Variants in ADAD1 observed in about 807,000 individuals in gnomAD.
ADAD1 encodes the protein adenosine deaminase domain-containing protein 1.
Under a neutral mutation model 66.8 loss-of-function variants are expected in ADAD1, and 46 were observed. The ratio of observed to expected loss-of-function variants is 0.69; its 90% CI spans 0.54 to 0.88. ADAD1 has a LOEUF of 0.88. Among genes scored for constraint, ADAD1 ranks in the 40% least tolerant of loss-of-function variants. ADAD1 has a pLI of 0.00. For missense variants in ADAD1, 617 were observed against 681.8 expected (o/e 0.91, Z 1.06); for synonymous variants, 248 against 229.4 (o/e 1.08, Z -0.73).
chr4:122,420,875 AT>A (rs977411430), intron 11 of ADAD1, among the ~76,000 whole-genome samples: 3 of 152,188 alleles, frequency 2.0e-5, no homozygotes, highest in Non-Finnish European at 4.4e-5. Context: ...AATTTCATTA[AT>A]TTTGATATAT....
At chr4:122,402,169 G>T (rs1796013114) in intron 7 of ADAD1, among the ~76,000 whole-genome samples, 1 of 151,866 alleles carries the variant, frequency 6.6e-6, no homozygotes, top group African/African-American at 2.4e-5. Flanking sequence ...AGTCCTTTTA[G>T]CATTTATTTA....
intron 7 of ADAD1, among the ~76,000 whole-genome samples, chr4:122,406,361 A>T (rs1313076874): frequency 6.6e-6 from 1 of 152,164 alleles, no homozygotes; most frequent in African/African-American, 2.4e-5. Context: ...TATGTCTTCT[A>T]TAAAAGAAAA....
chr4:122,408,837 T>C (rs906531323), intron 8 of ADAD1, among the ~76,000 whole-genome samples: 2 of 151,818 alleles, frequency 1.3e-5, no homozygotes, highest in Non-Finnish European at 2.9e-5. Flanking sequence ...GAACCAAGAC[T>C]GCTCCACTGC....
rs558866689 is a variant in ADAD1, at chr4:122,388,831, G to A, written c.530-4758G>A. On this transcript the variant is annotated intron_variant, in intron 5 of 12. Transcript: ENST00000296513. ...AAGAAAAAAAACAGCTTCTGGATTC[G>A]ATTTTTTTTGGAGGGTTTTTCATGT... is the stretch of plus-strand genomic sequence containing the variant. Among the ~76,000 whole-genome samples the A allele has an allele frequency of 1.3e-4, 20 of 151,954 alleles. No individual in the cohort carries two copies. In the South Asian group the frequency reaches 3.5e-3, roughly 27 times the overall value.
chr4:122,422,599 G>A (rs548116941), intron 12 of ADAD1, among the ~76,000 whole-genome samples: 10 of 152,142 alleles, frequency 6.6e-5, no homozygotes, highest in African/African-American at 2.4e-4. Flanking sequence ...TTAATTACAG[G>A]TGTATGTATA....
At position 122,383,983 on chromosome 4, in the gene ADAD1, A is replaced by G; in HGVS notation, c.529+17A>G. ...AAACATCAGGTAAATACTCTTGATT[A>G]TAAAGTATTTATAAGAGGTATCATT... is the stretch of plus-strand genomic sequence containing the variant. On this transcript the variant is annotated intron_variant, in intron 5 of 12. Coordinates refer to ENST00000296513, the MANE Select transcript of ADAD1 (RefSeq NM_139243.4). The G allele has an allele frequency of 5.7e-6, 9 of 1,585,900 alleles. No individual in the cohort carries two copies. The highest frequency in any genetic ancestry group is 7.7e-6 in the Non-Finnish European group (9 of 1,164,950).
Position 122,415,612 on chromosome 4 carries a change from G to GA in ADAD1, c.1486dup (p.Ser496LysfsTer5). 6.2e-7 allele frequency: 1 copy of GA among 1,611,864 alleles called. No homozygotes were observed. The highest frequency in any genetic ancestry group is 8.5e-7 in the Non-Finnish European group (1 of 1,178,274). ...GGATGGCCTGAGTGGGAAGATCACT[G>GA]AAAGGTTAAAATTACTAATTTCTTT... is the stretch of plus-strand genomic sequence containing the variant. On this transcript the variant is annotated frameshift_variant, in exon 11 of 13. Transcript: ENST00000296513. LOFTEE classifies it high-confidence loss of function.
chr4:122,402,152 A>G (rs1007109869), intron 7 of ADAD1, among the ~76,000 whole-genome samples: 8 of 151,974 alleles, frequency 5.3e-5, no homozygotes, highest in African/African-American at 1.9e-4. Context: ...TTGTTTCAAG[A>G]TTCATAAGTC....
chr4:122,429,639 C>G lies in ADAD1; in HGVS notation c.1631C>G (p.Ser544Cys), dbSNP rs762738865. 2 of 1,610,674 alleles carry G rather than the reference C, an allele frequency of 1.2e-6. No homozygotes were observed. The highest frequency in any genetic ancestry group is 2.2e-5 in the South Asian group (2 of 90,878). The change falls in exon 13 of 13, where the codon TCC becomes TGC. Residue 544 changes from serine to cysteine, a missense_variant. Ser to Cys is a moderately radical substitution (Grantham distance 112). Transcript: ENST00000296513. The stretch of plus-strand genomic sequence containing the variant: ...TTTCTTCTCTAGTGTATGTCTGCCT[C>G]CTATCAAGAAGCTAAATGTAAGTTG... ...TYHAAKCMSA[S>C]YQEAKCKLKS...
chr4:122,403,216 G>C (rs935536043), intron 7 of ADAD1, among the ~76,000 whole-genome samples: 1 of 152,120 alleles, frequency 6.6e-6, no homozygotes, highest in Non-Finnish European at 1.5e-5. Context: ...CTTCCCCTAA[G>C]GATGGGTTTT....
chr4:122,396,073 A>G (rs1340537153), intron 6 of ADAD1, among the ~76,000 whole-genome samples, 179 bp from the exon 7 acceptor site: 7 of 152,318 alleles, frequency 4.6e-5, no homozygotes, highest in Non-Finnish European at 8.8e-5. Flanking sequence ...AAAGCTCAAT[A>G]ACTCATATTC....
rs372959713 is a variant in ADAD1, at chr4:122,427,291, CA to C, written c.1618-2331del. On this transcript the variant is annotated intron_variant, in intron 12 of 12. Coordinates refer to ENST00000296513, the MANE Select transcript of ADAD1 (RefSeq NM_139243.4). ...TGTAAACACAGAGGAATAAATTTAACAAAAGAAATGGAAGACCTGTACACTG... is the reference window on the plus strand; with the variant it reads ...TGTAAACACAGAGGAATAAATTTAACAAAGAAATGGAAGACCTGTACACTG... 1.0e-3 allele frequency among the ~76,000 whole-genome samples: 154 copies of C among 152,012 alleles called. 2 individuals carry two copies. The highest frequency in any genetic ancestry group is 3.4e-3 in the African/African-American group (142 of 41,482).
In ADAD1 at chr4:122,381,162, A is replaced by G. The variant is rs755102093; in HGVS notation, c.343A>G (p.Lys115Glu). 1 of 1,561,352 alleles carries G rather than the reference A, an allele frequency of 6.4e-7. No homozygotes were observed. The highest frequency in any genetic ancestry group is 8.6e-7 in the Non-Finnish European group (1 of 1,165,366). ...AATGCAGCGAGTTCAGCTTGACCTTAAGGAAACTGTGACAACAGGCAAGTG... is the reference window on the plus strand; with the variant it reads ...AATGCAGCGAGTTCAGCTTGACCTTGAGGAAACTGTGACAACAGGCAAGTG... ...AQMQRVQLDLKETVTTGNVMG... is the reference protein window; with the variant it reads ...AQMQRVQLDLEETVTTGNVMG... The change falls in exon 4 of 13, where the codon AAG (lysine) becomes GAG (glutamate). Residue 115 changes from lysine (K) to glutamate (E), a missense_variant. By Grantham distance (56) the Lys-to-Glu change is moderately conservative. Coordinates refer to ENST00000296513, the MANE Select transcript of ADAD1 (RefSeq NM_139243.4).
intron 6 of ADAD1, among the ~76,000 whole-genome samples, chr4:122,395,188 T>G (rs1795640363): frequency 1.3e-5 from 2 of 151,916 alleles, no homozygotes; most frequent in Admixed American, 1.3e-4. Flanking sequence ...GTAGCTGGGA[T>G]TACAGGCACC....
intron 12 of ADAD1, among the ~76,000 whole-genome samples, chr4:122,425,369 A>G (rs1286072783): frequency 6.6e-6 from 1 of 152,108 alleles, no homozygotes; most frequent in Admixed American, 6.6e-5. Flanking sequence ...TTAGAAATCA[A>G]GAACAGAATG....
chr4:122,392,086 A>G (rs1795477576), intron 5 of ADAD1, among the ~76,000 whole-genome samples: 1 of 152,234 alleles, frequency 6.6e-6, no homozygotes, highest in Admixed American at 6.5e-5. Context: ...TTTATGCCTA[A>G]TAAACAGGAT....
In ADAD1 at chr4:122,413,436, A is replaced by G. The variant is rs185581700; in HGVS notation, c.1249+627A>G. ...ATTTAGATAGAGTAATCTGGAAAAAAATTCTCTTTCTTGACTATTAAAAAA... is the reference window on the plus strand; with the variant it reads ...ATTTAGATAGAGTAATCTGGAAAAAGATTCTCTTTCTTGACTATTAAAAAA... On this transcript the variant is annotated intron_variant, in intron 10 of 12. Transcript: ENST00000296513. 4.7e-3 allele frequency among the ~76,000 whole-genome samples: 710 copies of G among 152,214 alleles called. 13 individuals carry two copies. Among genetic ancestry groups the G allele is most frequent in the Non-Finnish European group, 4.0e-3 (271 of 67,976 alleles).
chr4:122,428,794 G>C (rs1398575030), intron 12 of ADAD1, among the ~76,000 whole-genome samples: 1 of 152,108 alleles, frequency 6.6e-6, no homozygotes, highest in Non-Finnish European at 1.5e-5. Flanking sequence ...CTTTTTAGAG[G>C]TGAGGGATTT....
At chr4:122,392,104 C>A (rs1354960841) in intron 5 of ADAD1, among the ~76,000 whole-genome samples, 1 of 152,156 alleles carries the variant, frequency 6.6e-6, no homozygotes, top group Non-Finnish European at 1.5e-5. Flanking sequence ...GATTTAATAT[C>A]TTTAATTTTC....
Sources: allele counts gnomAD v4.1 joint callset (sites outside exome capture counted in the v4.1 genomes callset), GRCh38; gene constraint gnomAD v4.1.1; transcripts MANE v1.5; gene names NCBI Gene and HGNC (gene_info 2026-07-23, HGNC 2026-07-21).